Variants in TPO observed in about 807,000 individuals in gnomAD.
The protein encoded by TPO is thyroid microsomal antigen.
A neutral mutation model predicts 96.9 loss-of-function variants in TPO; 78 were observed. The observed-to-expected ratio is 0.81, with a 90% CI of 0.67 to 0.97. TPO has a LOEUF of 0.97. TPO is among the 50% of genes least tolerant of loss of function. TPO has a pLI of 0.00. For synonymous variants in TPO, 547 were observed against 538.0 expected, an observed-to-expected ratio of 1.02 and a Z score of -0.23; for missense variants, 1,252 against 1,274.8, an observed-to-expected ratio of 0.98 and a Z score of 0.27.
chr2:1,527,772 C>G (rs1290812238), intron 15 of TPO, among the ~76,000 whole-genome samples: 54 of 145,368 alleles, frequency 3.7e-4, no homozygotes, highest in Non-Finnish European at 6.4e-4. Context: ...AAATCCCCCC[C>G]ACTCTGTGCA....
At chr2:1,491,837 C>A (rs1273313992) in intron 10 of TPO, among the ~76,000 whole-genome samples, 1 of 152,132 alleles carries the variant, frequency 6.6e-6, no homozygotes, top group Non-Finnish European at 1.5e-5. Context: ...AAGCACTTCC[C>A]GGTGGCTTTG....
At chr2:1,507,831 C>T (rs1241934397) in intron 14 of TPO, among the ~76,000 whole-genome samples, 1 of 152,128 alleles carries the variant, frequency 6.6e-6, no homozygotes, top group Non-Finnish European at 1.5e-5. Context: ...CATCTGCAAA[C>T]AGGGACAATT....
intron 15 of TPO, among the ~76,000 whole-genome samples, chr2:1,521,804 G>A (rs1173187345): frequency 6.6e-6 from 1 of 151,988 alleles, no homozygotes; most frequent in Non-Finnish European, 1.5e-5. Context: ...AGAGACCCAC[G>A]TCTGCCCTGG....
intron 8 of TPO, chr2:1,478,105 CTG>C (rs1670159343): frequency 1.0e-6 from 1 of 985,354 alleles, no homozygotes; most frequent in Admixed American, 6.1e-5. Context: ...AGAACCGACT[CTG>C]TGTGAGGATT....
In TPO at chr2:1,520,682, C is replaced by A. The variant is rs543519912; in HGVS notation, c.2618+3700C>A. The stretch of plus-strand genomic sequence containing the variant: ...TCTTGACACTGCATTTAAAATACCT[C>A]CACGGTATTATGCTTGTTTTATTGC... On this transcript the variant is annotated intron_variant, in intron 15 of 16. Coordinates refer to ENST00000329066, the MANE Select transcript of TPO (RefSeq NM_001206744.2). Among the ~76,000 whole-genome samples the A allele has an allele frequency of 2.0e-5, 3 of 152,368 alleles. No homozygotes were observed. The East Asian group carries it at 5.8e-4, about 29-fold the overall frequency.
chr2:1,413,681 A>C (rs1228723814), intron 1 of TPO, 136 bp downstream of exon 1: 1 of 985,332 alleles, frequency 1.0e-6, no homozygotes, highest in Non-Finnish European at 1.2e-6. Flanking sequence ...AAGCTGACTG[A>C]CTGACTGATG....
intron 1 of TPO, among the ~76,000 whole-genome samples, chr2:1,385,977 T>C (rs1191635325): frequency 6.6e-6 from 1 of 152,248 alleles, no homozygotes; most frequent in Non-Finnish European, 1.5e-5. Flanking sequence ...ATATACCCAG[T>C]AGTCATTCAG....
chr2:1,524,756 G>A (rs1676043231), intron 15 of TPO, among the ~76,000 whole-genome samples: 1 of 117,290 alleles, frequency 8.5e-6, no homozygotes, highest in Admixed American at 1.0e-4. Flanking sequence ...TACTCACTGT[G>A]AGCAACCTCC....
chr2:1,488,414 T>C (rs1671380446), intron 10 of TPO, among the ~76,000 whole-genome samples: 1 of 152,070 alleles, frequency 6.6e-6, no homozygotes, highest in Admixed American at 6.5e-5. Context: ...TGCTGTTAAC[T>C]AACTGGTCCA....
chr2:1,502,128 C>T (rs748353010), intron 13 of TPO, among the ~76,000 whole-genome samples: 20 of 152,172 alleles, frequency 1.3e-4, no homozygotes, highest in Non-Finnish European at 2.5e-4. Flanking sequence ...ATTTTTCACA[C>T]GATCATGATG....
chr2:1,515,951 C>T (rs761310249), intron 14 of TPO, among the ~76,000 whole-genome samples: 1 of 152,106 alleles, frequency 6.6e-6, no homozygotes. Flanking sequence ...AGTCAGTTTT[C>T]GTTTCATCTT....
intron 8 of TPO, among the ~76,000 whole-genome samples, chr2:1,481,795 T>A (rs1337523162): frequency 6.6e-6 from 1 of 152,070 alleles, no homozygotes; most frequent in Non-Finnish European, 1.5e-5. Flanking sequence ...CAGGGCCCCA[T>A]CCCCCAGTGG....
chr2:1,378,813 T>C (rs1661761295), intron 1 of TPO, among the ~76,000 whole-genome samples: 1 of 152,060 alleles, frequency 6.6e-6, no homozygotes, highest in Non-Finnish European at 1.5e-5. Flanking sequence ...TTTCAGAAGG[T>C]CCGAGAGATG....
Position 1,543,401 on chromosome 2 carries a change from A to AAAAC in TPO, c.*929_*932dup, listed in dbSNP as rs1167639673. 4 of 152,186 alleles carry AAAAC rather than the reference A, an allele frequency of 2.6e-5. No homozygotes were observed. Among genetic ancestry groups the AAAAC allele is most frequent in the African/African-American group, 9.7e-5 (4 of 41,442 alleles). 9.4% of individuals were successfully genotyped at this position (152,186 alleles called of 1,614,324 possible). On this transcript the variant is annotated 3_prime_UTR_variant, in exon 17 of 17. Coordinates refer to ENST00000329066, the MANE Select transcript of TPO (RefSeq NM_001206744.2). ...AGAGAGTGGTAACTAATTCATGGATAAAACAGACCATCGAGGCAGCACTGA... is the reference window on the plus strand; with the variant it reads ...AGAGAGTGGTAACTAATTCATGGATAAAACAAACAGACCATCGAGGCAGCACTGA...
intron 2 of TPO, among the ~76,000 whole-genome samples, chr2:1,416,744 CT>C (rs1214791088): frequency 1.3e-5 from 2 of 152,344 alleles, no homozygotes; most frequent in Admixed American, 1.3e-4. Flanking sequence ...ATTTTACAGC[CT>C]TTAATAGTTG....
Position 1,396,655 on chromosome 2 carries a change from C to T in TPO, n.180+22253C>T, listed in dbSNP as rs868245579. Reference sequence around the variant, plus strand: ...ATGCGTGAGGATGGGCATCGCGTCACGGGGAGACAGTCTCATCCCAAATCC... The same window carrying T: ...ATGCGTGAGGATGGGCATCGCGTCATGGGGAGACAGTCTCATCCCAAATCC... On this transcript the variant is annotated intron_variant and non_coding_transcript_variant, in intron 1 of 5. Transcript: ENST00000497517. Among the ~76,000 whole-genome samples the T allele has an allele frequency of 6.6e-5, 10 of 152,142 alleles. No individual in the cohort carries two copies. In the South Asian group the frequency reaches 8.3e-4, roughly 13 times the overall value.
intron 5 of TPO, among the ~76,000 whole-genome samples, chr2:1,441,898 G>A (rs1666230668): frequency 6.6e-6 from 1 of 152,188 alleles, no homozygotes; most frequent in African/African-American, 2.4e-5. Flanking sequence ...AGTTGGCTGT[G>A]TCCCCACCCA....
chr2:1,447,721 GTGTA>G (rs1296191263), intron 5 of TPO, among the ~76,000 whole-genome samples: 2 of 152,158 alleles, frequency 1.3e-5, no homozygotes, highest in Non-Finnish European at 2.9e-5. Context: ...AGGGGTGTGT[GTGTA>G]TGTATGTATA....
chr2:1,426,532 GTTC>G, intron 3 of TPO, among the ~76,000 whole-genome samples: 1 of 151,272 alleles, frequency 6.6e-6, no homozygotes, highest in Admixed American at 6.6e-5. Context: ...TAAAGTCATT[GTTC>G]TAGATGCCGG....
Sources: gnomAD v4.1 joint callset for allele counts (sites outside exome capture counted in the v4.1 genomes callset) on GRCh38, gnomAD v4.1.1 for gene constraint, MANE v1.5 for transcripts, NCBI Gene and HGNC (gene_info 2026-07-23, HGNC 2026-07-21) for gene names.